The following PTPRT variants were observed in gnomAD, a reference collection of about 807,000 sequenced individuals.
PTPRT encodes the protein receptor-type tyrosine-protein phosphatase T.
In PTPRT, 56 loss-of-function variants were observed where a neutral mutation model predicts 176.8. That is an observed-to-expected ratio of 0.32 (90% CI 0.26 to 0.40). The LOEUF is 0.40. Ranked by LOEUF, PTPRT falls within the 10% of genes least tolerant of loss-of-function variation. The pLI is 1.00. For synonymous variants in PTPRT, 783 were observed against 739.0 expected (o/e 1.06, Z -0.96); for missense variants, 1,540 against 1,908.2 (o/e 0.81, Z 3.60).
chr20:42,123,396 C>T (rs760232664), intron 19 of PTPRT, among the ~76,000 whole-genome samples: 1 of 152,146 alleles, frequency 6.6e-6, no homozygotes, highest in African/African-American at 2.4e-5. Flanking sequence ...AAAGTGGACC[C>T]GATGAATGTG....
intron 7 of PTPRT, among the ~76,000 whole-genome samples, chr20:42,526,887 G>A (rs910149394): frequency 2.0e-5 from 3 of 147,772 alleles, no homozygotes; most frequent in Admixed American, 6.7e-5. Context: ...AGCCAGCAAA[G>A]ATTAATGTCA....
chr20:42,184,843 C>T (rs1990708744), intron 16 of PTPRT, among the ~76,000 whole-genome samples: 1 of 148,714 alleles, frequency 6.7e-6, no homozygotes, highest in Non-Finnish European at 1.5e-5. Flanking sequence ...GCCATGTTAG[C>T]TAGAGTGGTC....
Position 43,100,771 on chromosome 20 carries a change from G to A in PTPRT, c.88+88875C>T, listed in dbSNP as rs564027917. Among the ~76,000 whole-genome samples, 12 of 152,334 alleles carry A rather than the reference G, an allele frequency of 7.9e-5. No homozygotes were observed. The South Asian group carries it at 2.5e-3, about 32-fold the overall frequency. Reference sequence around the variant, plus strand: ...ATATAAAAGCACTGGGGGACACCCAGACAGGCATAATAGCGCAAAGAGGGA... The same window carrying A: ...ATATAAAAGCACTGGGGGACACCCAAACAGGCATAATAGCGCAAAGAGGGA... On this transcript the variant is annotated intron_variant, in intron 1 of 30. Coordinates refer to ENST00000373187, the MANE Select transcript of PTPRT (RefSeq NM_007050.6).
chr20:42,127,624 G>A (rs1359887997), intron 19 of PTPRT, among the ~76,000 whole-genome samples: 3 of 152,104 alleles, frequency 2.0e-5, no homozygotes, highest in Admixed American at 6.5e-5. Context: ...AGAGTCTAGG[G>A]GACCAGTATG....
intron 5 of PTPRT, among the ~76,000 whole-genome samples, chr20:42,761,112 A>G (rs994794542): frequency 6.6e-6 from 1 of 152,180 alleles, no homozygotes; most frequent in Non-Finnish European, 1.5e-5. Flanking sequence ...GACAGGCTGC[A>G]CTAACATCCC....
chr20:42,301,743 T>C (rs906224492), intron 12 of PTPRT, among the ~76,000 whole-genome samples: 5 of 152,142 alleles, frequency 3.3e-5, no homozygotes, highest in African/African-American at 1.2e-4. Context: ...GGAATCTGTA[T>C]AGAGAGCTTA....
intron 7 of PTPRT, among the ~76,000 whole-genome samples, chr20:42,635,808 C>G (rs924066206): frequency 6.6e-6 from 1 of 152,054 alleles, no homozygotes; most frequent in Non-Finnish European, 1.5e-5. Context: ...AGAACGAGAT[C>G]CAGATGGAGT....
chr20:43,180,131 T>A (rs2015214324), intron 1 of PTPRT, among the ~76,000 whole-genome samples: 1 of 152,170 alleles, frequency 6.6e-6, no homozygotes. Flanking sequence ...TCTCTTGGCT[T>A]GAGCTGGGAC....
At chr20:43,133,953 C>T (rs1042498149) in intron 1 of PTPRT, among the ~76,000 whole-genome samples, 4 of 152,082 alleles carry the variant, frequency 2.6e-5, no homozygotes, top group African/African-American at 9.7e-5. Flanking sequence ...AGGCACTACA[C>T]TTTGAAAACT....
At chr20:42,128,129 T>C (rs1987947843) in intron 19 of PTPRT, among the ~76,000 whole-genome samples, 1 of 152,202 alleles carries the variant, frequency 6.6e-6, no homozygotes, top group African/African-American at 2.4e-5. Flanking sequence ...TGCTCCATCT[T>C]GGCTTGTGCT....
At chr20:42,903,241 A>T (rs1199172417) in intron 1 of PTPRT, among the ~76,000 whole-genome samples, 5 of 152,210 alleles carry the variant, frequency 3.3e-5, no homozygotes, top group African/African-American at 1.2e-4. Context: ...AATCATCACC[A>T]TTTTAAAGAT....
At chr20:42,964,938 C>A (rs1009666600) in intron 1 of PTPRT, among the ~76,000 whole-genome samples, 1 of 152,146 alleles carries the variant, frequency 6.6e-6, no homozygotes, top group Non-Finnish European at 1.5e-5. Context: ...AATATCCATT[C>A]TTGATTTACA....
intron 1 of PTPRT, among the ~76,000 whole-genome samples, chr20:42,974,374 A>G (rs1444349805): frequency 1.3e-5 from 2 of 152,146 alleles, no homozygotes; most frequent in African/African-American, 4.8e-5. Flanking sequence ...TTGCTTCAGC[A>G]AGTTAAGCAG....
At chr20:42,966,633 T>C (rs1982310765) in intron 1 of PTPRT, among the ~76,000 whole-genome samples, 1 of 152,148 alleles carries the variant, frequency 6.6e-6, no homozygotes, top group Non-Finnish European at 1.5e-5. Flanking sequence ...TTCACCTGGG[T>C]GTCAAGAGCA....
At chr20:42,764,347 G>T (rs546693258) in intron 5 of PTPRT, among the ~76,000 whole-genome samples, 4 of 152,218 alleles carry the variant, frequency 2.6e-5, no homozygotes, top group African/African-American at 7.2e-5. Context: ...AGGCAACTAG[G>T]GGGTGGGGAG....
At chr20:42,850,579 G>A (rs2078451387) in intron 2 of PTPRT, among the ~76,000 whole-genome samples, 1 of 152,200 alleles carries the variant, frequency 6.6e-6, no homozygotes, top group South Asian at 2.1e-4. Context: ...ATCCCCCAGT[G>A]GTAGGCAGTC....
At position 42,331,723 on chromosome 20, in the gene PTPRT, T is replaced by C. The variant is rs759382291; in HGVS notation, c.1866-15727A>G. Reference sequence around the variant, plus strand: ...ATCCAACAACAGAATTGCCTGTGAATTCTGGATTCCCATGATAGACCTCTG... The same window carrying C: ...ATCCAACAACAGAATTGCCTGTGAACTCTGGATTCCCATGATAGACCTCTG... On this transcript the variant is annotated intron_variant, in intron 11 of 30. Coordinates refer to ENST00000373187, the MANE Select transcript of PTPRT (RefSeq NM_007050.6). Among the ~76,000 whole-genome samples, 184 of 152,130 alleles carry C rather than the reference T, an allele frequency of 1.2e-3. 2 individuals are homozygous for C. Among genetic ancestry groups the C allele is most frequent in the Non-Finnish European group, 7.1e-4 (48 of 68,024 alleles).
intron 9 of PTPRT, among the ~76,000 whole-genome samples, chr20:42,375,854 C>T (rs1398584578): frequency 6.6e-6 from 1 of 152,112 alleles, no homozygotes; most frequent in Non-Finnish European, 1.5e-5. Context: ...TCAGGACAGT[C>T]CCATTAAAGC....
intron 11 of PTPRT, among the ~76,000 whole-genome samples, chr20:42,349,177 G>T (rs1460661078): frequency 6.6e-6 from 1 of 152,204 alleles, no homozygotes; most frequent in East Asian, 1.9e-4. Flanking sequence ...GACACAAGGA[G>T]TGAGGCTGCA....
Sources: allele counts gnomAD v4.1 joint callset (sites outside exome capture counted in the v4.1 genomes callset), GRCh38; gene constraint gnomAD v4.1.1; transcripts MANE v1.5; gene names NCBI Gene and HGNC (gene_info 2026-07-23, HGNC 2026-07-21).